Variants in DTNA observed in about 807,000 individuals in gnomAD.
The protein encoded by DTNA is dystrophin-related protein 3.
DTNA carries 43 observed loss-of-function variants against 100.7 expected under a neutral mutation model. The observed-to-expected ratio is 0.43, with a 90% CI of 0.33 to 0.55. The LOEUF (loss-of-function observed/expected upper bound fraction) is 0.55. Ranked by LOEUF, DTNA falls within the 20% of genes least tolerant of loss-of-function variation. The pLI, the probability that DTNA is intolerant of heterozygous loss-of-function variation, is 0.04. For synonymous variants in DTNA, 349 were observed against 347.9 expected (o/e 1.00, Z -0.04); for missense variants, 798 against 953.9 (o/e 0.84, Z 2.15).
At chr18:34,879,925 A>G (rs1193303591) in intron 20 of DTNA, among the ~76,000 whole-genome samples, 1 of 152,196 alleles carries the variant, frequency 6.6e-6, no homozygotes, top group African/African-American at 2.4e-5. Flanking sequence ...GAGAGTTATC[A>G]ATAACCTAAA....
intron 1 of DTNA, among the ~76,000 whole-genome samples, chr18:34,741,024 G>A (rs1303521799): frequency 6.6e-6 from 1 of 152,052 alleles, no homozygotes; most frequent in Non-Finnish European, 1.5e-5. Flanking sequence ...CTAACTTGGT[G>A]GAATTATAAT....
chr18:34,813,875 A>G (rs915746147), intron 6 of DTNA, among the ~76,000 whole-genome samples: 1 of 151,734 alleles, frequency 6.6e-6, no homozygotes, highest in Non-Finnish European at 1.5e-5. Flanking sequence ...CAATCACTTC[A>G]AAACACAAAT....
chr18:34,681,377 A>G (rs1377287771), intron 1 of DTNA, among the ~76,000 whole-genome samples: 1 of 152,142 alleles, frequency 6.6e-6, no homozygotes, highest in Admixed American at 6.6e-5. Context: ...GAGATATAAT[A>G]TACATACAAA....
In DTNA at chr18:34,890,602, C is replaced by T. The variant is rs971882610; in HGVS notation, c.*2868C>T. 21 of 1,086,476 alleles carry T rather than the reference C, an allele frequency of 1.9e-5. No homozygotes were observed. The highest frequency in any genetic ancestry group is 6.9e-5 in the South Asian group (4 of 57,714). The allele number at this position is 1,086,476 out of a possible 1,614,324, so 67.3% of individuals were successfully genotyped here. A position where few individuals can be genotyped will look rare whatever the true frequency, so the allele number is the denominator to read the frequency against. On this transcript the variant is annotated 3_prime_UTR_variant, in exon 23 of 23. Coordinates refer to ENST00000444659, the MANE Select transcript of DTNA (RefSeq NM_001386795.1). ...TAACACAGCCAACCCTCCTCCACAGCGCCATATTAATGGAGGAGGGGAGGA... is the reference window on the plus strand; with the variant it reads ...TAACACAGCCAACCCTCCTCCACAGTGCCATATTAATGGAGGAGGGGAGGA...
At chr18:34,744,720 C>T (rs570846604) in intron 1 of DTNA, among the ~76,000 whole-genome samples, 1 of 152,194 alleles carries the variant, frequency 6.6e-6, no homozygotes, top group South Asian at 2.1e-4. Flanking sequence ...TTGCACAACC[C>T]GTGAACTCCA....
rs184308706 is a variant in DTNA, at chr18:34,870,607, G to A, written c.1744-4632G>A. Among the ~76,000 whole-genome samples the A allele has an allele frequency of 3.1e-3, 476 of 152,020 alleles. 1 individual carries two copies. The highest frequency in any genetic ancestry group is 0.014 in the Middle Eastern group (4 of 294). ...ATTATTTCTCTGCTTAAAAACCTAG[G>A]AAGATGACTCTCTGGTTCACAATAA... On this transcript the variant is annotated intron_variant, in intron 17 of 22. Coordinates refer to ENST00000444659, the MANE Select transcript of DTNA (RefSeq NM_001386795.1).
At chr18:34,622,707 A>C (rs1250312748) in intron 1 of DTNA, among the ~76,000 whole-genome samples, 1 of 151,742 alleles carries the variant, frequency 6.6e-6, no homozygotes, top group Non-Finnish European at 1.5e-5. Context: ...TTGGACAACA[A>C]CTCCAGGCTC....
chr18:34,588,299 C>T (rs1291137872), intron 1 of DTNA, among the ~76,000 whole-genome samples: 1 of 152,044 alleles, frequency 6.6e-6, no homozygotes, highest in Non-Finnish European at 1.5e-5. Flanking sequence ...GGGCCAAATA[C>T]CCTAAACCTC....
intron 9 of DTNA, among the ~76,000 whole-genome samples, chr18:34,823,283 T>A (rs568595982): frequency 6.6e-6 from 1 of 152,334 alleles, no homozygotes; most frequent in South Asian, 2.1e-4. Flanking sequence ...ATAATGAACA[T>A]GTACATGGAA....
At chr18:34,678,748 C>G (rs571373674) in intron 1 of DTNA, among the ~76,000 whole-genome samples, 1 of 152,084 alleles carries the variant, frequency 6.6e-6, no homozygotes, top group South Asian at 2.1e-4. Context: ...GGCATTGGGG[C>G]GGGCAGTCTA....
chr18:34,648,134 C>T (rs909427140), intron 1 of DTNA, among the ~76,000 whole-genome samples: 1 of 152,136 alleles, frequency 6.6e-6, no homozygotes, highest in Non-Finnish European at 1.5e-5. Flanking sequence ...GAGATTAATA[C>T]ATTTGAGGAG....
At position 34,864,150 on chromosome 18, in the gene DTNA, T is replaced by C. The variant is rs1472318637; in HGVS notation, c.1743+88T>C. On this transcript the variant is annotated intron_variant, in intron 17 of 22. Transcript: ENST00000444659. ...ACATAATGTGCAATGGTTTTTCCAATTGCTGTATGTGATTTCCCTCAACAT... is the reference window on the plus strand; with the variant it reads ...ACATAATGTGCAATGGTTTTTCCAACTGCTGTATGTGATTTCCCTCAACAT... 5.1e-6 allele frequency: 6 copies of C among 1,179,066 alleles called. No homozygotes were observed. In the African/African-American group the frequency reaches 6.1e-5, roughly 12 times the overall value. The allele number at this position is 1,179,066 out of a possible 1,614,324, so 73.0% of individuals were successfully genotyped here.
chr18:34,825,942 G>A (rs1008635108), intron 9 of DTNA, among the ~76,000 whole-genome samples: 2 of 152,108 alleles, frequency 1.3e-5, no homozygotes, highest in Non-Finnish European at 2.9e-5. Flanking sequence ...ATTCACAGAG[G>A]ACATTTGTAT....
At chr18:34,868,214 CAG>C (rs2096728718) in intron 17 of DTNA, 1 of 284,052 alleles carries the variant, frequency 3.5e-6, no homozygotes, top group Non-Finnish European at 5.2e-6. Flanking sequence ...TACCACTTCT[CAG>C]GGGAACAAAA....
intron 1 of DTNA, among the ~76,000 whole-genome samples, chr18:34,671,018 A>T (rs1481450908): frequency 6.6e-6 from 1 of 152,172 alleles, no homozygotes; most frequent in Non-Finnish European, 1.5e-5. Context: ...CTTCCCCCAG[A>T]GGTGGAGTCT....
At chr18:34,519,926 T>G (rs913082468) in intron 1 of DTNA, among the ~76,000 whole-genome samples, 1 of 152,204 alleles carries the variant, frequency 6.6e-6, no homozygotes, top group African/African-American at 2.4e-5. Context: ...TCGTCCCTTT[T>G]TCATATTCTT....
At chr18:34,516,470 A>C (rs2041630156) in intron 1 of DTNA, among the ~76,000 whole-genome samples, 1 of 152,066 alleles carries the variant, frequency 6.6e-6, no homozygotes. Context: ...AACTGGTCTG[A>C]CTAAAATTTA....
chr18:34,518,303 G>C (rs1454259375), intron 1 of DTNA, among the ~76,000 whole-genome samples: 1 of 152,020 alleles, frequency 6.6e-6, no homozygotes, highest in African/African-American at 2.4e-5. Flanking sequence ...GGTAGGTTTT[G>C]AGAGTCCATT....
chr18:34,858,416 T>C lies in DTNA; in HGVS notation c.1646+18T>C. The C allele has an allele frequency of 6.2e-7, 1 of 1,611,112 alleles. No individual in the cohort carries two copies. Among genetic ancestry groups the C allele is most frequent in the Non-Finnish European group, 8.5e-7 (1 of 1,177,384 alleles). ...CTCCTCAGGTAGGAGAGAGCACCCATGTCATCTCAGGGAATATATATGTGT... is the reference window on the plus strand; with the variant it reads ...CTCCTCAGGTAGGAGAGAGCACCCACGTCATCTCAGGGAATATATATGTGT... On this transcript the variant is annotated intron_variant, in intron 16 of 22. Transcript: ENST00000444659.
Sources: gnomAD v4.1 joint callset for allele counts (sites outside exome capture counted in the v4.1 genomes callset) on GRCh38, gnomAD v4.1.1 for gene constraint, MANE v1.5 for transcripts, NCBI Gene and HGNC (gene_info 2026-07-23, HGNC 2026-07-21) for gene names.